The following GRIA1 variants were observed in gnomAD, a reference collection of about 807,000 sequenced individuals.
GRIA1 encodes the protein glutamate ionotropic receptor AMPA type subunit 1, also known as glutamate receptor 1.
A neutral mutation model predicts 99.2 loss-of-function variants in GRIA1; 31 were observed. The ratio of observed to expected loss-of-function variants is 0.31; its 90% CI spans 0.23 to 0.42. GRIA1 has a LOEUF of 0.42. GRIA1 is among the 10% of genes least tolerant of loss of function. The pLI is 1.00. For missense variants in GRIA1, 782 were observed against 1,157.5 expected (o/e 0.68, Z 4.71); for synonymous variants, 438 against 432.4 (o/e 1.01, Z -0.16).
chr5:153,577,116 GGGTA>G (rs1382232406), intron 2 of GRIA1, among the ~76,000 whole-genome samples: 3 of 145,414 alleles, frequency 2.1e-5, no homozygotes, highest in Non-Finnish European at 3.0e-5. Flanking sequence ...ATGGATAAGT[GGGTA>G]GATGAATGGG....
chr5:153,580,280 T>G (rs1347148112), intron 2 of GRIA1, among the ~76,000 whole-genome samples: 1 of 152,212 alleles, frequency 6.6e-6, no homozygotes, highest in African/African-American at 2.4e-5. Context: ...TGACCTTGGG[T>G]CTGACCTCGA....
intron 2 of GRIA1, among the ~76,000 whole-genome samples, chr5:153,595,397 T>G (rs1238824507): frequency 6.6e-6 from 1 of 152,210 alleles, no homozygotes; most frequent in African/African-American, 2.4e-5. Context: ...ATACTAATAC[T>G]AATACATTAT....
intron 2 of GRIA1, among the ~76,000 whole-genome samples, chr5:153,548,354 C>T (rs528470018): frequency 3.3e-4 from 50 of 152,268 alleles, no homozygotes; most frequent in African/African-American, 1.1e-3. Flanking sequence ...AAAATCTTCT[C>T]AATTGTGAAA....
intron 2 of GRIA1, among the ~76,000 whole-genome samples, chr5:153,538,606 C>T (rs1176975698): frequency 1.3e-5 from 2 of 152,060 alleles, no homozygotes; most frequent in Non-Finnish European, 2.9e-5. Context: ...GCTAGGAATC[C>T]CTCTGGGAGG....
intron 11 of GRIA1, among the ~76,000 whole-genome samples, chr5:153,710,835 A>C (rs569901967): frequency 6.6e-6 from 1 of 152,322 alleles, no homozygotes; most frequent in East Asian, 1.9e-4. Flanking sequence ...TGAATGTGTA[A>C]GTTGGGATGT....
chr5:153,567,757 G>A lies in GRIA1; in HGVS notation c.220+73692G>A, dbSNP rs188783382. On this transcript the variant is annotated intron_variant, in intron 2 of 15. Coordinates refer to ENST00000285900, the MANE Select transcript of GRIA1 (RefSeq NM_000827.4). ...GATGGTAAATAAGTGCAGAAGCAAGGTGGGGATGCACTTGATGTGTTTGAG... is the reference window on the plus strand; with the variant it reads ...GATGGTAAATAAGTGCAGAAGCAAGATGGGGATGCACTTGATGTGTTTGAG... Among the ~76,000 whole-genome samples the A allele has an allele frequency of 6.4e-4, 97 of 152,324 alleles. 1 individual carries two copies. Among genetic ancestry groups the A allele is most frequent in the African/African-American group, 2.2e-3 (92 of 41,568 alleles).
chr5:153,673,570 A>T (rs1050788801), intron 5 of GRIA1, among the ~76,000 whole-genome samples: 1 of 152,198 alleles, frequency 6.6e-6, no homozygotes, highest in African/African-American at 2.4e-5. Context: ...ACCAATGCCT[A>T]ACAGAGGCCC....
chr5:153,679,125 G>T (rs1756796375), intron 7 of GRIA1, among the ~76,000 whole-genome samples: 1 of 152,158 alleles, frequency 6.6e-6, no homozygotes, highest in Admixed American at 6.5e-5. Flanking sequence ...CAAGATATGT[G>T]TGTGCCTGCC....
At chr5:153,745,897 C>T (rs902369525) in intron 11 of GRIA1, among the ~76,000 whole-genome samples, 1 of 152,152 alleles carries the variant, frequency 6.6e-6, no homozygotes, top group African/African-American at 2.4e-5. Flanking sequence ...TCATCTTTCA[C>T]TTCTGAGAGT....
intron 11 of GRIA1, among the ~76,000 whole-genome samples, chr5:153,727,116 A>G (rs1259191116): frequency 6.6e-6 from 1 of 152,214 alleles, no homozygotes; most frequent in Non-Finnish European, 1.5e-5. Context: ...CAGCATATAA[A>G]CAGAACCAAA....
chr5:153,513,748 T>C (rs1756334765), intron 2 of GRIA1, among the ~76,000 whole-genome samples: 1 of 152,200 alleles, frequency 6.6e-6, no homozygotes, highest in Non-Finnish European at 1.5e-5. Flanking sequence ...ATCCAGACTT[T>C]ACTGTTACTG....
intron 2 of GRIA1, among the ~76,000 whole-genome samples, chr5:153,518,702 AT>A (rs375085713): frequency 1.8e-3 from 272 of 152,232 alleles, no homozygotes; most frequent in African/African-American, 3.6e-3. Context: ...TTATGCAAGT[AT>A]TTTTTTTCAT....
chr5:153,806,337 C>G (rs550434252), intron 15 of GRIA1, among the ~76,000 whole-genome samples: 10 of 152,306 alleles, frequency 6.6e-5, no homozygotes, highest in African/African-American at 2.4e-4. Flanking sequence ...GCAATCTCGG[C>G]TCACTGCAAC....
chr5:153,753,751 C>G (rs1388316937), intron 11 of GRIA1, among the ~76,000 whole-genome samples: 1 of 151,308 alleles, frequency 6.6e-6, no homozygotes, highest in Non-Finnish European at 1.5e-5. Flanking sequence ...AAAGCCATGC[C>G]AAGTTGCAAG....
intron 2 of GRIA1, among the ~76,000 whole-genome samples, chr5:153,538,894 T>C (rs377084484): frequency 4.6e-5 from 7 of 152,346 alleles, no homozygotes; most frequent in African/African-American, 1.2e-4. Flanking sequence ...CTGTAACCTA[T>C]ACTAAAATAT....
intron 1 of GRIA1, 66 bp from the exon 2 acceptor site, chr5:153,493,862 G>T (rs1335795230): frequency 5.3e-6 from 8 of 1,515,308 alleles, no homozygotes; most frequent in Non-Finnish European, 5.5e-6. Flanking sequence ...CTCATCTGGA[G>T]TGAGTCGTGA....
At chr5:153,604,936 C>G (rs1375890488) in intron 2 of GRIA1, among the ~76,000 whole-genome samples, 2 of 151,908 alleles carry the variant, frequency 1.3e-5, no homozygotes, top group African/African-American at 4.8e-5. Flanking sequence ...GAGAGACAAC[C>G]AAGTAGAAAA....
intron 2 of GRIA1, among the ~76,000 whole-genome samples, chr5:153,541,087 C>T (rs1380999740): frequency 4.6e-5 from 7 of 152,236 alleles, no homozygotes; most frequent in African/African-American, 1.4e-4. Context: ...TACTTTCCCA[C>T]TGCCTTCATT....
intron 11 of GRIA1, among the ~76,000 whole-genome samples, chr5:153,752,801 A>G (rs1762584859): frequency 6.6e-6 from 1 of 152,218 alleles, no homozygotes. Flanking sequence ...AAGAGATTTT[A>G]TAGAGGCAAT....
Sources: allele counts gnomAD v4.1 joint callset (sites outside exome capture counted in the v4.1 genomes callset), GRCh38; gene constraint gnomAD v4.1.1; transcripts MANE v1.5; gene names NCBI Gene and HGNC (gene_info 2026-07-23, HGNC 2026-07-21).